TRERF1: variants seen among roughly 807,000 people sequenced by gnomAD.
TRERF1 encodes transcriptional regulating factor 1.
In TRERF1, 27 loss-of-function variants were observed where a neutral mutation model predicts 122.9. The ratio of observed to expected loss-of-function variants is 0.22; its 90% confidence interval spans 0.16 to 0.30. The LOEUF is 0.30. TRERF1 is among the 10% of genes least tolerant of loss of function. TRERF1 has a pLI of 1.00. For missense variants in TRERF1, 1,248 were observed against 1,560.3 expected, an observed-to-expected ratio of 0.80 and a Z score of 3.37; for synonymous variants, 636 against 641.7, an observed-to-expected ratio of 0.99 and a Z score of 0.13.
intron 10 of TRERF1, among the ~76,000 whole-genome samples, chr6:42,257,814 G>A (rs56291438): frequency 0.024 from 3,615 of 152,342 alleles, 67 homozygotes; most frequent in Non-Finnish European, 0.039. Context: ...CATTCAGAAG[G>A]AGCCTCTTAA....
At chr6:42,237,258 G>T (rs1772459943) in intron 15 of TRERF1, among the ~76,000 whole-genome samples, 1 of 152,172 alleles carries the variant, frequency 6.6e-6, no homozygotes, top group African/African-American at 2.4e-5. Context: ...AGAATAGTAA[G>T]TTACTGGAAT....
intron 9 of TRERF1, among the ~76,000 whole-genome samples, chr6:42,258,809 A>G (rs989086919): frequency 6.6e-6 from 1 of 151,954 alleles, no homozygotes; most frequent in African/African-American, 2.4e-5. Context: ...ATCTTGGCTC[A>G]CTGCAACCTC....
At chr6:42,361,585 G>T (rs1184313539) in intron 3 of TRERF1, among the ~76,000 whole-genome samples, 1 of 152,176 alleles carries the variant, frequency 6.6e-6, no homozygotes, top group Non-Finnish European at 1.5e-5. Context: ...AAAGGACTGG[G>T]ATCTCCGTTG....
At chr6:42,283,982 A>T (rs1782763723) in intron 4 of TRERF1, among the ~76,000 whole-genome samples, 1 of 152,162 alleles carries the variant, frequency 6.6e-6, no homozygotes, top group Admixed American at 6.5e-5. Flanking sequence ...TTTAACTTAA[A>T]ACACAAATAT....
chr6:42,382,515 G>T (rs1440366695), intron 2 of TRERF1, among the ~76,000 whole-genome samples: 2 of 151,410 alleles, frequency 1.3e-5, no homozygotes, highest in Non-Finnish European at 2.9e-5. Flanking sequence ...AGGACACAGG[G>T]TACTGACTTA....
At chr6:42,289,261 G>C (rs372376253) in intron 4 of TRERF1, among the ~76,000 whole-genome samples, 21 of 151,670 alleles carry the variant, frequency 1.4e-4, no homozygotes, top group African/African-American at 5.1e-4. Flanking sequence ...AGGAGGCGGA[G>C]ACTGCAGTGA....
At chr6:42,432,895 T>C (rs1430157156) in intron 2 of TRERF1, among the ~76,000 whole-genome samples, 1 of 147,446 alleles carries the variant, frequency 6.8e-6, no homozygotes, top group Non-Finnish European at 1.5e-5. Context: ...TTTAAAGACA[T>C]GGAAAATACT....
intron 3 of TRERF1, among the ~76,000 whole-genome samples, chr6:42,306,256 C>A (rs1295286477): frequency 6.6e-6 from 1 of 152,220 alleles, no homozygotes. Context: ...CTTGCCTCAG[C>A]CTCCCAAAGT....
intron 3 of TRERF1, among the ~76,000 whole-genome samples, chr6:42,318,728 C>A (rs1762905048): frequency 6.6e-6 from 1 of 152,230 alleles, no homozygotes; most frequent in Non-Finnish European, 1.5e-5. Context: ...CTGCTTTCAG[C>A]TGCAACAAGC....
intron 3 of TRERF1, among the ~76,000 whole-genome samples, chr6:42,322,951 A>G (rs1763685319): frequency 6.6e-6 from 1 of 152,080 alleles, no homozygotes; most frequent in African/African-American, 2.4e-5. Flanking sequence ...TTGGTCTCCC[A>G]GGCCACAGCA....
At chr6:42,283,611 CTTTTTTTTT>C (rs869206003) in intron 4 of TRERF1, among the ~76,000 whole-genome samples, 1 of 107,998 alleles carries the variant, frequency 9.3e-6, no homozygotes. Flanking sequence ...ATGAAAAAAA[CTTTTTTTTT>C]TTTTTTTTTT....
At chr6:42,310,031 G>C (rs906778249) in intron 3 of TRERF1, among the ~76,000 whole-genome samples, 1 of 151,916 alleles carries the variant, frequency 6.6e-6, no homozygotes, top group Non-Finnish European at 1.5e-5. Context: ...CCAAAGTGCT[G>C]GGATTACAAG....
chr6:42,315,710 C>CA (rs1367053055), intron 3 of TRERF1, among the ~76,000 whole-genome samples: 1 of 149,204 alleles, frequency 6.7e-6, no homozygotes, highest in East Asian at 2.0e-4. Context: ...AACACCACCC[C>CA]CCCCCCCACC....
chr6:42,253,362 C>T (rs1776174439), intron 13 of TRERF1, among the ~76,000 whole-genome samples: 1 of 152,154 alleles, frequency 6.6e-6, no homozygotes, highest in Non-Finnish European at 1.5e-5. Flanking sequence ...TCCTTTTAGC[C>T]AACCCACTGT....
chr6:42,372,263 T>C (rs1453227400), intron 2 of TRERF1, among the ~76,000 whole-genome samples: 1 of 152,240 alleles, frequency 6.6e-6, no homozygotes, highest in African/African-American at 2.4e-5. Context: ...GTTCTTCATT[T>C]GCCTTAAAGA....
chr6:42,428,728 AG>A (rs1349756306), intron 2 of TRERF1, among the ~76,000 whole-genome samples: 1 of 152,232 alleles, frequency 6.6e-6, no homozygotes, highest in Non-Finnish European at 1.5e-5. Flanking sequence ...GCCCTGCAGA[AG>A]TCAGAGGACA....
intron 3 of TRERF1, among the ~76,000 whole-genome samples, chr6:42,305,892 T>C (rs967665809): frequency 6.6e-6 from 1 of 151,576 alleles, no homozygotes; most frequent in South Asian, 2.1e-4. Flanking sequence ...TTCTGTCAAA[T>C]GAGTTCTATG....
intron 2 of TRERF1, among the ~76,000 whole-genome samples, chr6:42,403,205 G>GGTAAAA (rs1779669403): frequency 6.6e-6 from 1 of 152,042 alleles, no homozygotes; most frequent in Non-Finnish European, 1.5e-5. Flanking sequence ...GCCCAAAAAA[G>GGTAAAA]CAGGTAAAAA....
chr6:42,265,735 G>A lies in TRERF1; in HGVS notation c.1484+16C>T, dbSNP rs376845598. Reference sequence around the variant, plus strand: ...CCCCGTCTCCCAAAATACCAACAAGGTTCCACTCATCCTACCTTGACTCAG... The same window carrying A: ...CCCCGTCTCCCAAAATACCAACAAGATTCCACTCATCCTACCTTGACTCAG... On this transcript the variant is annotated intron_variant, in intron 6 of 17. Transcript: ENST00000372922. The A allele has an allele frequency of 1.9e-6, 3 of 1,611,692 alleles. No individual in the cohort carries two copies. The highest frequency in any genetic ancestry group is 1.7e-5 in the Admixed American group (1 of 59,742).
Sources: allele counts gnomAD v4.1 joint callset (sites outside exome capture counted in the v4.1 genomes callset), GRCh38; gene constraint gnomAD v4.1.1; transcripts MANE v1.5; gene names NCBI Gene and HGNC (gene_info 2026-07-23, HGNC 2026-07-21).